NELL2: variants seen among roughly 807,000 people sequenced by gnomAD.
The protein encoded by NELL2 is protein kinase C-binding protein NELL2.
In NELL2, 41 loss-of-function variants were observed where a neutral mutation model predicts 109.6. The ratio of observed to expected loss-of-function variants is 0.37; its 90% CI spans 0.29 to 0.49. NELL2 has a LOEUF of 0.49. Ranked by LOEUF, NELL2 falls within the 20% of genes least tolerant of loss-of-function variation. The probability of loss-of-function intolerance (pLI) is 0.98; values close to 1 mark genes in which losing one functional copy is unlikely to be tolerated. For synonymous variants in NELL2, 355 were observed against 344.7 expected (o/e 1.03, Z -0.33); for missense variants, 900 against 1,008.3 (o/e 0.89, Z 1.45).
intron 3 of NELL2, among the ~76,000 whole-genome samples, chr12:44,791,134 TACACAC>T (rs1486783515): frequency 1.2e-5 from 1 of 81,404 alleles, no homozygotes; most frequent in Non-Finnish European, 2.4e-5. Flanking sequence ...TATATATATA[TACACAC>T]GCACACACAT....
At chr12:44,810,937 G>A (rs1203130574) in intron 3 of NELL2, among the ~76,000 whole-genome samples, 1 of 152,042 alleles carries the variant, frequency 6.6e-6, no homozygotes, top group Non-Finnish European at 1.5e-5. Context: ...AATGTCTCAT[G>A]AAATTAACAA....
chr12:44,789,324 A>C (rs1209086063), intron 3 of NELL2, among the ~76,000 whole-genome samples: 1 of 152,204 alleles, frequency 6.6e-6, no homozygotes, highest in Non-Finnish European at 1.5e-5. Context: ...CCCCAGTACC[A>C]GTACCAGCTC....
rs572342232 is a variant in NELL2, at chr12:44,743,248, T to G, written c.995-28507A>C. Among the ~76,000 whole-genome samples, 3 of 152,190 alleles carry G rather than the reference T, an allele frequency of 2.0e-5. No individual in the cohort carries two copies. The South Asian group carries it at 6.2e-4, about 32-fold the overall frequency. On this transcript the variant is annotated intron_variant, in intron 9 of 19. Coordinates refer to ENST00000429094, the MANE Select transcript of NELL2 (RefSeq NM_001145108.2). ...ATAAAATACTTCAAAGACAAGCAAA[T>G]GCTGAGAGATTTTGTCACCACCAGG...
intron 1 of NELL2, among the ~76,000 whole-genome samples, chr12:44,889,094 T>C (rs755014658): frequency 3.3e-5 from 5 of 152,010 alleles, no homozygotes; most frequent in African/African-American, 7.3e-5. Flanking sequence ...CTTCCTGTTG[T>C]TGTGACCTTA....
chr12:44,665,521 T>C lies in NELL2; in HGVS notation c.1407A>G (p.Lys469=). 6.2e-7 allele frequency: 1 copy of C among 1,613,622 alleles called. No homozygotes were observed. The highest frequency in any genetic ancestry group is 8.5e-7 in the Non-Finnish European group (1 of 1,179,542). The stretch of plus-strand genomic sequence containing the variant: ...AATCATCAATTCTGATGTATCCAGT[T>C]TTGCAGATGCACATAAAAGAACCCG... ...NTPGSFMCIC[K]TGYIRIDDYS... The change falls in exon 13 of 20, where the codon AAA becomes AAG. Residue 469 remains lysine, a synonymous_variant. Transcript: ENST00000429094.
intron 12 of NELL2, among the ~76,000 whole-genome samples, chr12:44,667,631 G>A (rs989217270): frequency 6.6e-6 from 1 of 152,130 alleles, no homozygotes; most frequent in African/African-American, 2.4e-5. Context: ...TCATCTCCTC[G>A]ACAGACAAGG....
At chr12:44,745,316 A>T (rs542738785) in intron 9 of NELL2, among the ~76,000 whole-genome samples, 12 of 152,184 alleles carry the variant, frequency 7.9e-5, no homozygotes, top group South Asian at 4.1e-4. Context: ...TAATAAGCGC[A>T]ATCTATGACA....
chr12:44,732,468 C>T (rs74634680), intron 9 of NELL2, among the ~76,000 whole-genome samples: 4,029 of 152,068 alleles, frequency 0.026, 176 homozygotes, highest in African/African-American at 0.091. Flanking sequence ...AAGATAGTCT[C>T]TTCAACAAGC....
At chr12:44,775,895 T>C in intron 8 of NELL2, 127 bp downstream of exon 8, 2 of 1,022,240 alleles carry the variant, frequency 2.0e-6, no homozygotes, top group East Asian at 2.6e-5. Context: ...ACCAGGTTTG[T>C]TGACACTTTA....
chr12:44,681,251 C>T (rs1948488159), intron 12 of NELL2, among the ~76,000 whole-genome samples: 1 of 149,528 alleles, frequency 6.7e-6, no homozygotes, highest in Non-Finnish European at 1.5e-5. Context: ...TCTAGTCATC[C>T]TATTTCCAGC....
chr12:44,596,096 G>A (rs1267025007), intron 15 of NELL2, among the ~76,000 whole-genome samples: 1 of 152,258 alleles, frequency 6.6e-6, no homozygotes, highest in African/African-American at 2.4e-5. Flanking sequence ...CTGTTTCTCT[G>A]TCATTGAGAT....
At chr12:44,627,343 T>C (rs1946301799) in intron 13 of NELL2, among the ~76,000 whole-genome samples, 1 of 152,176 alleles carries the variant, frequency 6.6e-6, no homozygotes, top group Non-Finnish European at 1.5e-5. Flanking sequence ...TGGAAATCTT[T>C]CTAACAAAGT....
intron 15 of NELL2, among the ~76,000 whole-genome samples, chr12:44,556,696 A>G (rs915410143): frequency 3.3e-5 from 5 of 152,202 alleles, no homozygotes; most frequent in Non-Finnish European, 7.3e-5. Context: ...CATGTTAACA[A>G]ATCACTAGAA....
At chr12:44,882,408 G>A (rs887580927) in intron 1 of NELL2, among the ~76,000 whole-genome samples, 13 of 145,652 alleles carry the variant, frequency 8.9e-5, no homozygotes, top group Non-Finnish European at 1.5e-5. Context: ...ATACACATAT[G>A]TATATATGTT....
chr12:44,777,820 A>T (rs913743595), intron 5 of NELL2, among the ~76,000 whole-genome samples: 1 of 152,248 alleles, frequency 6.6e-6, no homozygotes, highest in Non-Finnish European at 1.5e-5. Flanking sequence ...AGGACAATAG[A>T]TTCATTAAAC....
rs926628908 is a variant in NELL2, at chr12:44,628,055, G to C, written c.1445-17085C>G. Among the ~76,000 whole-genome samples the C allele has an allele frequency of 5.9e-5, 9 of 152,000 alleles. 1 individual carries two copies. Among genetic ancestry groups the C allele is most frequent in the Admixed American group, 5.9e-4 (9 of 15,266 alleles). On this transcript the variant is annotated intron_variant, in intron 13 of 19. Coordinates refer to ENST00000429094, the MANE Select transcript of NELL2 (RefSeq NM_001145108.2). ...AATGGGTGAAGAGTTCAAAAGTAAA[G>C]GACACGTACTTTATAATCAATGCTG...
intron 1 of NELL2, among the ~76,000 whole-genome samples, chr12:44,882,813 C>A (rs1474110397): frequency 6.7e-6 from 1 of 150,258 alleles, no homozygotes; most frequent in Non-Finnish European, 1.5e-5. Flanking sequence ...CAGGCGTGAG[C>A]CACCATGCCT....
intron 3 of NELL2, among the ~76,000 whole-genome samples, chr12:44,788,466 C>T (rs1942262466): frequency 6.6e-6 from 1 of 152,248 alleles, no homozygotes; most frequent in East Asian, 1.9e-4. Flanking sequence ...TCTAGAGAGC[C>T]TAGTCAAATA....
chr12:44,565,500 T>G (rs1474793706), intron 15 of NELL2, among the ~76,000 whole-genome samples: 3 of 152,136 alleles, frequency 2.0e-5, no homozygotes, highest in African/African-American at 4.8e-5. Context: ...AAAAATAAAG[T>G]TTCGAGAGAC....
Sources: gnomAD v4.1 joint callset for allele counts (sites outside exome capture counted in the v4.1 genomes callset) on GRCh38, gnomAD v4.1.1 for gene constraint, MANE v1.5 for transcripts, NCBI Gene and HGNC (gene_info 2026-07-23, HGNC 2026-07-21) for gene names.